Variants in C1orf21 observed in about 807,000 individuals in gnomAD.
C1orf21 encodes chromosome 1 open reading frame 21, also known as uncharacterized protein C1orf21.
In C1orf21, 3 loss-of-function variants were observed where a neutral mutation model predicts 18.7. That is an observed-to-expected ratio of 0.16 (90% CI 0.07 to 0.42). The LOEUF is 0.42. Among genes scored for constraint, C1orf21 ranks in the 10% least tolerant of loss-of-function variants. The probability of loss-of-function intolerance (pLI) is 0.99; values close to 1 mark genes in which losing one functional copy is unlikely to be tolerated. For missense variants in C1orf21, 104 were observed against 143.6 expected (o/e 0.72, Z 1.41); for synonymous variants, 41 against 46.4 (o/e 0.88, Z 0.47).
chr1:184,463,813 A>G (rs1657345266), intron 1 of C1orf21, among the ~76,000 whole-genome samples: 1 of 152,220 alleles, frequency 6.6e-6, no homozygotes. Flanking sequence ...CAATTATGAC[A>G]TGTAGCAACA....
rs112740239 is a variant in C1orf21 at position 184,448,736 on chromosome 1, G to T, written c.-124-28650G>T. 8.1e-4 allele frequency among the ~76,000 whole-genome samples: 124 copies of T among 152,148 alleles called. 2 individuals carry two copies. The highest frequency in any genetic ancestry group is 2.9e-3 in the African/African-American group (122 of 41,494). ...GACCACGGGGCTTCTTTTTCTCTTGGATCTCATTTCCTGAAGAAAGGAAAG... is the reference window on the plus strand; with the variant it reads ...GACCACGGGGCTTCTTTTTCTCTTGTATCTCATTTCCTGAAGAAAGGAAAG... On this transcript the variant is annotated intron_variant, in intron 1 of 5. Transcript: ENST00000235307.
In C1orf21 at chr1:184,598,423, C is replaced by T; in HGVS notation, c.289C>T (p.Gln97Ter). 1 of 1,613,658 alleles carries T rather than the reference C, an allele frequency of 6.2e-7. No homozygotes were observed. The highest frequency in any genetic ancestry group is 8.5e-7 in the Non-Finnish European group (1 of 1,179,898). ...CAGCATGCACATCTCTGAAAGCCAA[C>T]AAGAATTCTTCAGAATGCTGGATGA... ...RANMHISESQ[Q>*]EFFRMLDEKI... The change falls in exon 5 of 6, where the codon CAA (glutamine) becomes TAA (stop). Residue 97 changes from glutamine to a stop codon, truncating the protein, a stop_gained. Coordinates refer to ENST00000235307, the MANE Select transcript of C1orf21 (RefSeq NM_030806.4). LOFTEE classifies it high-confidence loss of function.
Position 184,410,638 on chromosome 1 carries a change from T to TGGC in C1orf21, c.-125+23270_-125+23271insGGC, listed in dbSNP as rs1244508588. ...TATATTATATATATATATATATATA[T>TGGC]ATATATATATATATATATATATATA... is the stretch of plus-strand genomic sequence containing the variant. On this transcript the variant is annotated intron_variant, in intron 1 of 5. Transcript: ENST00000235307. Among the ~76,000 whole-genome samples, 4 of 4,158 alleles carry TGGC rather than the reference T, an allele frequency of 9.6e-4. No homozygotes were observed. In the East Asian group the frequency reaches 0.022, roughly 23 times the overall value. 2.7% of individuals were successfully genotyped at this position (4,158 alleles called of 152,430 possible).
chr1:184,405,688 G>A (rs1290488928), intron 1 of C1orf21, among the ~76,000 whole-genome samples: 1 of 152,180 alleles, frequency 6.6e-6, no homozygotes, highest in Admixed American at 6.5e-5. Flanking sequence ...ACTTCCCAAA[G>A]TTGTTTAGAA....
chr1:184,474,173 C>G (rs1657536357), intron 1 of C1orf21, among the ~76,000 whole-genome samples: 1 of 152,142 alleles, frequency 6.6e-6, no homozygotes, highest in African/African-American at 2.4e-5. Context: ...GAAAGCATCA[C>G]TCTTAAATTT....
chr1:184,546,098 A>G (rs1216533036), intron 3 of C1orf21: 1 of 152,212 alleles, frequency 6.6e-6, no homozygotes, highest in Non-Finnish European at 1.5e-5. Context: ...CTTTCATTAC[A>G]GCATATCTAT....
At chr1:184,530,936 G>A (rs1390349967) in intron 3 of C1orf21, among the ~76,000 whole-genome samples, 1 of 151,858 alleles carries the variant, frequency 6.6e-6, no homozygotes, top group South Asian at 2.1e-4. Context: ...AAACATTTTG[G>A]GATACCTACG....
intron 1 of C1orf21, among the ~76,000 whole-genome samples, chr1:184,432,572 A>G (rs1047160235): frequency 3.9e-5 from 6 of 152,092 alleles, no homozygotes; most frequent in African/African-American, 1.4e-4. Flanking sequence ...AATGTAGATG[A>G]TGGGTTGATG....
intron 5 of C1orf21, among the ~76,000 whole-genome samples, chr1:184,601,688 G>A (rs1423985892): frequency 6.6e-6 from 1 of 152,126 alleles, no homozygotes; most frequent in Admixed American, 6.5e-5. Context: ...GGATCATGAG[G>A]TCAGGAGTTC....
chr1:184,518,389 T>C (rs574183000), intron 3 of C1orf21, among the ~76,000 whole-genome samples: 1 of 152,354 alleles, frequency 6.6e-6, no homozygotes, highest in Admixed American at 6.5e-5. Flanking sequence ...GCTTCATTTC[T>C]GTTCATTGCT....
intron 3 of C1orf21, among the ~76,000 whole-genome samples, chr1:184,584,954 C>A (rs1659331669): frequency 6.6e-6 from 1 of 152,134 alleles, no homozygotes; most frequent in South Asian, 2.1e-4. Flanking sequence ...AAGAAACTTT[C>A]TGGGATGATG....
chr1:184,556,837 A>C (rs564321177), intron 3 of C1orf21, among the ~76,000 whole-genome samples: 3 of 152,280 alleles, frequency 2.0e-5, no homozygotes, highest in African/African-American at 7.2e-5. Flanking sequence ...AGATGAATGG[A>C]AGACTGTCTT....
intron 3 of C1orf21, among the ~76,000 whole-genome samples, chr1:184,525,074 G>T (rs1658359045): frequency 6.6e-6 from 1 of 151,600 alleles, no homozygotes; most frequent in African/African-American, 2.4e-5. Context: ...TTTGCAGTAT[G>T]GTGATATTTT....
chr1:184,442,669 G>T (rs960706411), intron 1 of C1orf21, among the ~76,000 whole-genome samples: 6 of 152,140 alleles, frequency 3.9e-5, no homozygotes, highest in African/African-American at 1.4e-4. Flanking sequence ...TCATGATTTT[G>T]ATTAGATCTA....
intron 2 of C1orf21, among the ~76,000 whole-genome samples, chr1:184,489,696 A>G (rs989638527): frequency 2.6e-5 from 4 of 152,238 alleles, no homozygotes; most frequent in African/African-American, 4.8e-5. Flanking sequence ...TTGATATGGC[A>G]AAAGGTTTGT....
intron 1 of C1orf21, among the ~76,000 whole-genome samples, chr1:184,441,558 G>T (rs1376282946): frequency 6.6e-6 from 1 of 152,202 alleles, no homozygotes; most frequent in Non-Finnish European, 1.5e-5. Context: ...ATTATAATGT[G>T]TGATTATTAC....
rs193298744 is a variant in C1orf21, at chr1:184,601,630, C to T, written c.327+3169C>T. On this transcript the variant is annotated intron_variant, in intron 5 of 5. Transcript: ENST00000235307. Reference sequence around the variant, plus strand: ...TTTAAAAAAATGATTCAGCCAGGCGCGGTGGCTCACACCTGTAATCCCAGC... The same window carrying T: ...TTTAAAAAAATGATTCAGCCAGGCGTGGTGGCTCACACCTGTAATCCCAGC... Among the ~76,000 whole-genome samples, 336 of 152,254 alleles carry T rather than the reference C, an allele frequency of 2.2e-3. 3 individuals are homozygous for T. The highest frequency in any genetic ancestry group is 7.6e-3 in the African/African-American group (317 of 41,542).
intron 1 of C1orf21, among the ~76,000 whole-genome samples, chr1:184,428,436 T>C (rs532297144): frequency 1.3e-5 from 2 of 152,274 alleles, no homozygotes; most frequent in African/African-American, 4.8e-5. Flanking sequence ...CAAGAAGTGG[T>C]CTACCAGGTA....
chr1:184,597,341 G>A (rs1483753922), intron 4 of C1orf21, among the ~76,000 whole-genome samples: 5 of 152,074 alleles, frequency 3.3e-5, no homozygotes, highest in African/African-American at 1.2e-4. Context: ...TATACAGAGG[G>A]GACCCCCTCT....
Sources: allele counts gnomAD v4.1 joint callset (sites outside exome capture counted in the v4.1 genomes callset), GRCh38; gene constraint gnomAD v4.1.1; transcripts MANE v1.5; gene names NCBI Gene and HGNC (gene_info 2026-07-23, HGNC 2026-07-21).